Variants in PRKRIP1 observed in about 807,000 individuals in gnomAD.
The protein encoded by PRKRIP1 is PRKR interacting protein 1.
Under a neutral mutation model 29.3 loss-of-function variants are expected in PRKRIP1, and 29 were observed. That is an observed-to-expected ratio of 0.99 (90% CI 0.74 to 1.35). The LOEUF (loss-of-function observed/expected upper bound fraction) is 1.35, where lower values mean the gene tolerates loss of function less well. Ranked by LOEUF, PRKRIP1 falls within the 40% of genes most tolerant of loss-of-function variation. The pLI is 0.00. For synonymous variants in PRKRIP1, 90 were observed against 85.1 expected (o/e 1.06, Z -0.32); for missense variants, 247 against 236.8 (o/e 1.04, Z -0.28).
At chr7:102,400,165 C>T (rs1223790200) in intron 3 of PRKRIP1, among the ~76,000 whole-genome samples, 5 of 150,788 alleles carry the variant, frequency 3.3e-5, no homozygotes, top group Non-Finnish European at 7.4e-5. Flanking sequence ...CAGAAATTAG[C>T]TGGGCGTGGT....
intron 3 of PRKRIP1, 105 bp downstream of exon 3, chr7:102,399,753 G>C (rs1479248131): frequency 1.2e-6 from 1 of 861,640 alleles, no homozygotes; most frequent in Non-Finnish European, 1.9e-6. Context: ...GCTCAGGCCT[G>C]TAATCCCAGC....
Position 102,413,863 on chromosome 7 carries a change from A to G in PRKRIP1, c.457+6365A>G, listed in dbSNP as rs1276645342. Among the ~76,000 whole-genome samples, 3 of 152,320 alleles carry G rather than the reference A, an allele frequency of 2.0e-5. No individual in the cohort carries two copies. In the East Asian group the frequency reaches 5.8e-4, roughly 29 times the overall value. ...TGCAGTCAGTGGCATTTTACCCAGTATGCCTGTAGCCTGTGAATAAAATCT... is the reference window on the plus strand; with the variant it reads ...TGCAGTCAGTGGCATTTTACCCAGTGTGCCTGTAGCCTGTGAATAAAATCT... On this transcript the variant is annotated intron_variant, in intron 5 of 5. Coordinates refer to ENST00000397912, the MANE Select transcript of PRKRIP1 (RefSeq NM_024653.4).
At chr7:102,398,351 C>T (rs576708960) in intron 2 of PRKRIP1, among the ~76,000 whole-genome samples, 3 of 152,124 alleles carry the variant, frequency 2.0e-5, no homozygotes, top group East Asian at 3.9e-4. Flanking sequence ...GTGACACCAT[C>T]TCGGCTCACT....
rs193289428 is a variant in PRKRIP1 at position 102,401,358 on chromosome 7, A to T, written c.306+1710A>T. On this transcript the variant is annotated intron_variant, in intron 3 of 5. Coordinates refer to ENST00000397912, the MANE Select transcript of PRKRIP1 (RefSeq NM_024653.4). ...TTTTCAAAATAAAACATTAGGGAAA[A>T]TTTAAACCAAAGAGACAGCCAGGAT... Among the ~76,000 whole-genome samples the T allele has an allele frequency of 2.3e-3, 346 of 152,342 alleles. 1 individual carries two copies. The highest frequency in any genetic ancestry group is 7.8e-3 in the African/African-American group (324 of 41,580).
chr7:102,422,124 A>G (rs1796708729), intron 5 of PRKRIP1, among the ~76,000 whole-genome samples: 1 of 149,890 alleles, frequency 6.7e-6, no homozygotes, highest in Non-Finnish European at 1.5e-5. Context: ...CATTGTACAC[A>G]ACTGTGTTTC....
chr7:102,402,961 G>T (rs1796112978), intron 3 of PRKRIP1, among the ~76,000 whole-genome samples: 1 of 151,748 alleles, frequency 6.6e-6, no homozygotes, highest in Non-Finnish European at 1.5e-5. Flanking sequence ...TGCAGCCTCT[G>T]CCTCCTGGGT....
chr7:102,421,269 C>T (rs111233599), intron 5 of PRKRIP1, among the ~76,000 whole-genome samples: 71 of 152,272 alleles, frequency 4.7e-4, no homozygotes, highest in African/African-American at 1.7e-3. Context: ...TGAGGCTGGG[C>T]ACGGTGGCTC....
intron 3 of PRKRIP1, 83 bp downstream of exon 3, chr7:102,399,731 C>G (rs1394905532): frequency 1.7e-6 from 2 of 1,144,098 alleles, no homozygotes; most frequent in African/African-American, 1.5e-5. Flanking sequence ...TTTGAAGAGG[C>G]TGGGCGTGGT....
At chr7:102,423,302 A>T in intron 5 of PRKRIP1, 2 of 398,284 alleles carry the variant, frequency 5.0e-6, no homozygotes, top group South Asian at 3.5e-5. Context: ...TCTAGTAGAG[A>T]TGAGGTTTCC....
At chr7:102,396,683 G>A (rs1795908515) in intron 1 of PRKRIP1, 146 bp downstream of exon 1, 1 of 798,038 alleles carries the variant, frequency 1.3e-6, no homozygotes, top group Non-Finnish European at 1.9e-6. Context: ...TGGGGAGGAG[G>A]AGGAGAAGGA....
rs559937833 is a variant in PRKRIP1, at chr7:102,425,194, C to G, written c.*83C>G. 4.7e-4 allele frequency: 722 copies of G among 1,536,774 alleles called. 7 individuals are homozygous for G. In the South Asian group the frequency reaches 7.5e-3, roughly 16 times the overall value. On this transcript the variant is annotated 3_prime_UTR_variant, in exon 6 of 6. Transcript: ENST00000397912. ...GGCGGCTGTTTGGCTCTTTCTCCCC[C>G]GCAAGGACCCGCTGACCCGCTGGAT...
At chr7:102,396,597 T>C in intron 1 of PRKRIP1, 60 bp downstream of exon 1, 1 of 1,552,208 alleles carries the variant, frequency 6.4e-7, no homozygotes, top group Non-Finnish European at 8.7e-7. Flanking sequence ...TCTGCAGCGC[T>C]TCAGGGTTCC....
intron 5 of PRKRIP1, among the ~76,000 whole-genome samples, chr7:102,416,041 T>TA (rs1391633863): frequency 1.3e-5 from 2 of 152,230 alleles, no homozygotes; most frequent in African/African-American, 4.8e-5. Context: ...AGCTTCCTCT[T>TA]ACAATGCTTT....
At chr7:102,404,056 C>T (rs1345470565) in intron 3 of PRKRIP1, among the ~76,000 whole-genome samples, 2 of 152,196 alleles carry the variant, frequency 1.3e-5, no homozygotes, top group Non-Finnish European at 2.9e-5. Flanking sequence ...GTCCCAAGTA[C>T]TCAGGAGACT....
chr7:102,425,034 C>T lies in PRKRIP1; in HGVS notation c.478C>T (p.Gln160Ter). Reference sequence around the variant, plus strand: ...TACAGGACCCGGTCAGCCCAAGGAGCAGGGGTCCAGCAGCTCTGCGGAGGC... The same window carrying T: ...TACAGGACCCGGTCAGCCCAAGGAGTAGGGGTCCAGCAGCTCTGCGGAGGC... The part of the protein sequence containing the change: ...KQEGPGQPKE[Q>*]GSSSSAEASG... The change falls in exon 6 of 6, where the codon CAG becomes TAG. Residue 160 changes from glutamine (Q) to a stop codon, truncating the protein, a stop_gained. Transcript: ENST00000397912. LOFTEE classifies it high-confidence loss of function. The T allele has an allele frequency of 6.2e-7, 1 of 1,613,764 alleles. No individual in the cohort carries two copies. Among genetic ancestry groups the T allele is most frequent in the South Asian group, 1.1e-5 (1 of 91,066 alleles).
chr7:102,410,681 A>C (rs1198926081), intron 5 of PRKRIP1, among the ~76,000 whole-genome samples: 1 of 152,216 alleles, frequency 6.6e-6, no homozygotes, highest in Non-Finnish European at 1.5e-5. Context: ...GAGCATTTCC[A>C]GAGTTCTGAA....
At chr7:102,423,974 CT>C (rs1421519067) in intron 5 of PRKRIP1, among the ~76,000 whole-genome samples, 2 of 152,368 alleles carry the variant, frequency 1.3e-5, no homozygotes, top group East Asian at 3.9e-4. Context: ...CCCGTTTGAA[CT>C]TTCAAAGCTA....
chr7:102,414,902 A>T (rs1266001932), intron 5 of PRKRIP1, among the ~76,000 whole-genome samples: 2 of 152,038 alleles, frequency 1.3e-5, no homozygotes, highest in South Asian at 2.1e-4. Flanking sequence ...GAAAAAAAAA[A>T]TAATAATAAA....
In PRKRIP1 at chr7:102,396,462, G is replaced by A. The variant is rs782042536; in HGVS notation, c.51G>A (p.Glu17=). The change falls in exon 1 of 6, where the codon GAG becomes GAA. Residue 17 remains glutamate, a synonymous_variant. Coordinates refer to ENST00000397912, the MANE Select transcript of PRKRIP1 (RefSeq NM_024653.4). The part of the protein sequence containing the change: ...SSVRPPRPKK[E]PQTLVIPKNA... Reference sequence around the variant, plus strand: ...TGCGACCACCGAGGCCCAAGAAAGAGCCGCAGACGCTCGTCATCCCCAAGA... The same window carrying A: ...TGCGACCACCGAGGCCCAAGAAAGAACCGCAGACGCTCGTCATCCCCAAGA... The A allele has an allele frequency of 1.2e-6, 2 of 1,608,988 alleles. No homozygotes were observed. The highest frequency in any genetic ancestry group is 8.5e-7 in the Non-Finnish European group (1 of 1,178,856).
Sources: gnomAD v4.1 joint callset for allele counts (sites outside exome capture counted in the v4.1 genomes callset) on GRCh38, gnomAD v4.1.1 for gene constraint, MANE v1.5 for transcripts, NCBI Gene and HGNC (gene_info 2026-07-23, HGNC 2026-07-21) for gene names.